Variants in NRXN1 observed in about 807,000 individuals in gnomAD.
NRXN1 encodes the protein neurexin-1.
Under a neutral mutation model 150.9 loss-of-function variants are expected in NRXN1, and 39 were observed. The ratio of observed to expected loss-of-function variants is 0.26; its 90% CI spans 0.20 to 0.34. The LOEUF (loss-of-function observed/expected upper bound fraction) is 0.34, where lower values mean the gene tolerates loss of function less well. NRXN1 is among the 10% of genes least tolerant of loss of function. The probability of loss-of-function intolerance (pLI) is 1.00; values close to 1 mark genes in which losing one functional copy is unlikely to be tolerated. For synonymous variants in NRXN1, 924 were observed against 757.0 expected, an observed-to-expected ratio of 1.22 and a Z score of -3.62; for missense variants, 1,815 against 1,949.9, an observed-to-expected ratio of 0.93 and a Z score of 1.30.
Position 50,249,782 on chromosome 2 carries a change from T to A in NRXN1, c.3365-12812A>T, listed in dbSNP as rs542874141. On this transcript the variant is annotated intron_variant, in intron 17 of 22. Transcript: ENST00000401669. ...CCTCCCAAGTAGCTGGGATCATAGA[T>A]ACGCGCCACTATGGCTGTCAAATTT... Among the ~76,000 whole-genome samples the A allele has an allele frequency of 2.4e-3, 359 of 152,064 alleles. 1 individual carries two copies. The highest frequency in any genetic ancestry group is 8.3e-3 in the African/African-American group (343 of 41,500).
In NRXN1 at chr2:50,117,989, AAT is replaced by A. The variant is rs1703297283; in HGVS notation, c.3547-26497_3547-26496del. Among the ~76,000 whole-genome samples, 6 of 152,252 alleles carry A rather than the reference AAT, an allele frequency of 3.9e-5. No individual in the cohort carries two copies. In the South Asian group the frequency reaches 1.2e-3, roughly 32 times the overall value. ...CTATGTCTATGCTGGAAATAAATTA[AAT>A]AAAGACCTAGGTTTTCTTCCTTCTA... On this transcript the variant is annotated intron_variant, in intron 18 of 22. Transcript: ENST00000401669.
At chr2:50,556,128 G>T (rs1488661872) in intron 8 of NRXN1, among the ~76,000 whole-genome samples, 5 of 152,084 alleles carry the variant, frequency 3.3e-5, no homozygotes, top group African/African-American at 1.2e-4. Flanking sequence ...GCATTGGTAG[G>T]CTTACGGCTC....
chr2:50,331,405 G>A (rs1326141179), intron 17 of NRXN1, among the ~76,000 whole-genome samples: 1 of 152,128 alleles, frequency 6.6e-6, no homozygotes, highest in Non-Finnish European at 1.5e-5. Context: ...AATGCAGAGT[G>A]AGATTTAAAA....
chr2:50,886,491 C>T (rs1168931040), intron 5 of NRXN1, among the ~76,000 whole-genome samples: 1 of 151,238 alleles, frequency 6.6e-6, no homozygotes, highest in Non-Finnish European at 1.5e-5. Flanking sequence ...CACAAAATTA[C>T]TATGCAAGGA....
chr2:50,725,755 G>C (rs915365677), intron 5 of NRXN1, among the ~76,000 whole-genome samples: 1 of 152,092 alleles, frequency 6.6e-6, no homozygotes, highest in Non-Finnish European at 1.5e-5. Context: ...TTAGAAGATA[G>C]ACTTTATTTT....
chr2:50,189,130 A>G (rs537378255), intron 18 of NRXN1, among the ~76,000 whole-genome samples: 3 of 152,302 alleles, frequency 2.0e-5, no homozygotes, highest in East Asian at 1.9e-4. Flanking sequence ...ATGATCATCA[A>G]TGATAGAGTG....
intron 18 of NRXN1, among the ~76,000 whole-genome samples, chr2:50,201,640 T>C (rs569166649): frequency 7.9e-5 from 12 of 152,332 alleles, no homozygotes; most frequent in African/African-American, 2.9e-4. Flanking sequence ...TGGTTATCTG[T>C]TGCTGAATAA....
intron 8 of NRXN1, among the ~76,000 whole-genome samples, chr2:50,595,860 C>A: frequency 6.6e-6 from 1 of 152,154 alleles, no homozygotes; most frequent in East Asian, 1.9e-4. Context: ...AACCAAAATG[C>A]TAAAACAATG....
chr2:50,612,621 A>T (rs886863286), intron 8 of NRXN1, among the ~76,000 whole-genome samples: 14 of 152,180 alleles, frequency 9.2e-5, no homozygotes, highest in African/African-American at 3.4e-4. Context: ...TTACCCCTTC[A>T]GCAAAAGCTC....
intron 17 of NRXN1, among the ~76,000 whole-genome samples, chr2:50,412,625 T>A (rs1259283385): frequency 6.6e-6 from 1 of 152,188 alleles, no homozygotes; most frequent in Non-Finnish European, 1.5e-5. Flanking sequence ...TGCATTTGCT[T>A]ATTTTTGTGG....
intron 21 of NRXN1, among the ~76,000 whole-genome samples, chr2:50,042,587 T>G (rs1373627794): frequency 6.6e-6 from 1 of 152,180 alleles, no homozygotes; most frequent in Non-Finnish European, 1.5e-5. Flanking sequence ...TACACAACAT[T>G]TATCTTAGCA....
intron 2 of NRXN1, among the ~76,000 whole-genome samples, chr2:50,948,180 T>C (rs1418550895): frequency 2.6e-5 from 4 of 152,008 alleles, no homozygotes; most frequent in Admixed American, 2.6e-4. Context: ...TTTCTTGAGG[T>C]AATTTTTGTT....
At chr2:50,641,587 C>A (rs2104482405) in intron 5 of NRXN1, among the ~76,000 whole-genome samples, 1 of 152,120 alleles carries the variant, frequency 6.6e-6, no homozygotes, top group Middle Eastern at 3.4e-3. Context: ...AAGTTTTATT[C>A]TTCCCAGCAA....
intron 21 of NRXN1, among the ~76,000 whole-genome samples, chr2:50,035,468 T>C (rs1040533854): frequency 6.6e-6 from 1 of 152,136 alleles, no homozygotes; most frequent in African/African-American, 2.4e-5. Context: ...ATTAAGCAGA[T>C]TTTATAGGAA....
Position 50,598,495 on chromosome 2 carries a change from C to T in NRXN1, c.1320+21527G>A, listed in dbSNP as rs1213357707. 1.7e-4 allele frequency among the ~76,000 whole-genome samples: 25 copies of T among 150,868 alleles called. 1 individual carries two copies. The highest frequency in any genetic ancestry group is 1.7e-3 in the Admixed American group (25 of 15,128). Reference sequence around the variant, plus strand: ...ACTAAATAGCATGTGTAAAATGCCCCAAAGCCATTTATACACATACTTATA... The same window carrying T: ...ACTAAATAGCATGTGTAAAATGCCCTAAAGCCATTTATACACATACTTATA... On this transcript the variant is annotated intron_variant, in intron 8 of 22. Coordinates refer to ENST00000401669, the MANE Select transcript of NRXN1 (RefSeq NM_001330078.2).
chr2:50,270,790 T>C (rs11886027), intron 17 of NRXN1, among the ~76,000 whole-genome samples: 66,256 of 151,588 alleles, frequency 0.44, 14,794 homozygotes, highest in African/African-American at 0.49. Flanking sequence ...CTGCCTCAGC[T>C]TACCAAGTAG....
chr2:50,901,676 A>C (rs1018960185), intron 5 of NRXN1, among the ~76,000 whole-genome samples: 1 of 152,230 alleles, frequency 6.6e-6, no homozygotes, highest in Non-Finnish European at 1.5e-5. Flanking sequence ...TCTTAAAAGG[A>C]AAGTTCAACA....
intron 5 of NRXN1, chr2:50,757,891 C>G (rs1382535590): frequency 1.3e-5 from 2 of 151,686 alleles, no homozygotes; most frequent in Non-Finnish European, 2.9e-5. Flanking sequence ...TCTTGAGGGC[C>G]ACCAGTCTTG....
At chr2:50,709,309 C>T (rs940316481) in intron 5 of NRXN1, among the ~76,000 whole-genome samples, 11 of 152,120 alleles carry the variant, frequency 7.2e-5, no homozygotes, top group African/African-American at 2.7e-4. Context: ...ATGGGGTTTA[C>T]ATTCTAGCAG....
Sources: allele counts gnomAD v4.1 joint callset (sites outside exome capture counted in the v4.1 genomes callset), GRCh38; gene constraint gnomAD v4.1.1; transcripts MANE v1.5; gene names NCBI Gene and HGNC (gene_info 2026-07-23, HGNC 2026-07-21).